Variants in DDX6 observed in about 807,000 individuals in gnomAD.
DDX6 encodes DEAD-box helicase 6, also known as probable ATP-dependent RNA helicase DDX6.
A neutral mutation model predicts 60.6 loss-of-function variants in DDX6; 7 were observed. The ratio of observed to expected loss-of-function variants is 0.12; its 90% confidence interval spans 0.07 to 0.22. DDX6 has a LOEUF of 0.22. Among genes scored for constraint, DDX6 ranks in the 10% least tolerant of loss-of-function variants. The pLI, the probability that DDX6 is intolerant of heterozygous loss-of-function variation, is 1.00. For missense variants in DDX6, 270 were observed against 589.9 expected, an observed-to-expected ratio of 0.46 and a Z score of 5.62; for synonymous variants, 207 against 201.0, an observed-to-expected ratio of 1.03 and a Z score of -0.25.
chr11:118,759,153 G>C, intron 8 of DDX6: 1 of 344,190 alleles, frequency 2.9e-6, no homozygotes, highest in Non-Finnish European at 5.4e-6. Flanking sequence ...TCCACCTCCC[G>C]GGTTCAAGTG....
At chr11:118,756,177 G>A in intron 11 of DDX6, 83 bp downstream of exon 11, 1 of 1,048,334 alleles carries the variant, frequency 9.5e-7, no homozygotes, top group Non-Finnish European at 1.5e-6. Flanking sequence ...TATGTCACAG[G>A]TTGCACTATG....
chr11:118,750,022 C>T lies in DDX6; in HGVS notation c.*2083G>A, dbSNP rs1860700918. The T allele has an allele frequency of 2.0e-5, 3 of 152,454 alleles. No homozygotes were observed. Among genetic ancestry groups the T allele is most frequent in the Admixed American group, 6.6e-5 (1 of 15,244 alleles). 9.4% of individuals were successfully genotyped at this position (152,454 alleles called of 1,614,324 possible). On this transcript the variant is annotated 3_prime_UTR_variant, in exon 14 of 14. Coordinates refer to ENST00000534980, the MANE Select transcript of DDX6 (RefSeq NM_004397.6). ...GATCTCCAAGGAATTGTGGGTGAGTCGCAAATAGTTTGCTCAGAAGTAGGC... is the reference window on the plus strand; with the variant it reads ...GATCTCCAAGGAATTGTGGGTGAGTTGCAAATAGTTTGCTCAGAAGTAGGC...
Position 118,781,175 on chromosome 11 carries a change from A to G in DDX6, c.210T>C (p.Asp70=). 1.2e-6 allele frequency: 2 copies of G among 1,602,886 alleles called. No homozygotes were observed. Among genetic ancestry groups the G allele is most frequent in the African/African-American group, 1.3e-5 (1 of 74,918 alleles). The change falls in exon 3 of 14, where the codon GAT becomes GAC. Residue 70 remains aspartate, a synonymous_variant. Transcript: ENST00000534980. Reference sequence around the variant, plus strand: ...GGAGTTTTAAAGTCTTTTTCCAGTCATCACCAGGTCTAGAGAGAATACAGT... The same window carrying G: ...GGAGTTTTAAAGTCTTTTTCCAGTCGTCACCAGGTCTAGAGAGAATACAGT... ...QSMTTTIKPG[D]DWKKTLKLPP...
intron 13 of DDX6, among the ~76,000 whole-genome samples, chr11:118,752,859 T>C (rs1860824352): frequency 6.6e-6 from 1 of 151,988 alleles, no homozygotes; most frequent in Non-Finnish European, 1.5e-5. Flanking sequence ...GAAGCCAAAG[T>C]GGGAGGATCA....
chr11:118,778,048 A>C (rs1476786224), intron 4 of DDX6, among the ~76,000 whole-genome samples: 13 of 152,072 alleles, frequency 8.5e-5, no homozygotes, highest in Non-Finnish European at 1.6e-4. Flanking sequence ...AAATTGAAAA[A>C]AATGGTGAGT....
chr11:118,776,690 G>A (rs766047839), intron 4 of DDX6, among the ~76,000 whole-genome samples: 13 of 151,776 alleles, frequency 8.6e-5, no homozygotes, highest in Non-Finnish European at 1.6e-4. Context: ...AAAATTAGCC[G>A]GGTGCTGTGG....
At chr11:118,782,804 C>T (rs1861943318) in intron 2 of DDX6, among the ~76,000 whole-genome samples, 1 of 152,156 alleles carries the variant, frequency 6.6e-6, no homozygotes, top group Admixed American at 6.6e-5. Flanking sequence ...GCCACTACAC[C>T]TGGCTAGTTT....
chr11:118,753,483 G>A (rs537039832), intron 13 of DDX6, among the ~76,000 whole-genome samples: 21 of 151,740 alleles, frequency 1.4e-4, no homozygotes, highest in Non-Finnish European at 2.4e-4. Flanking sequence ...GGGACTACAG[G>A]TGCGTGTCAC....
chr11:118,756,542 A>G (rs1860983742), intron 10 of DDX6, among the ~76,000 whole-genome samples: 1 of 152,204 alleles, frequency 6.6e-6, no homozygotes, highest in Non-Finnish European at 1.5e-5. Context: ...CAAAAAAGTC[A>G]TTTTTGTTAC....
intron 4 of DDX6, among the ~76,000 whole-genome samples, chr11:118,769,359 T>C (rs1555161945): frequency 6.6e-6 from 1 of 152,214 alleles, no homozygotes; most frequent in Non-Finnish European, 1.5e-5. Context: ...TTCTGTAATG[T>C]GCTCTCTATT....
In DDX6 at chr11:118,755,395, T is replaced by C. The variant is rs1179308135; in HGVS notation, c.1276+7A>G. On this transcript the variant is annotated splice_region_variant and intron_variant, in intron 12 of 13. Coordinates refer to ENST00000534980, the MANE Select transcript of DDX6 (RefSeq NM_004397.6). ...TCTACCAAGAATATCACCTCTTTTT[T>C]CCTCACCTGATCTTCCAATACGATG... 25 of 1,573,628 alleles carry C rather than the reference T, an allele frequency of 1.6e-5. No homozygotes were observed. The highest frequency in any genetic ancestry group is 2.2e-5 in the Non-Finnish European group (25 of 1,145,664).
chr11:118,785,049 T>G (rs1348930271), intron 2 of DDX6, among the ~76,000 whole-genome samples: 1 of 152,176 alleles, frequency 6.6e-6, no homozygotes, highest in Non-Finnish European at 1.5e-5. Flanking sequence ...ACTACAGGCG[T>G]GTGCCACTGC....
chr11:118,763,102 A>G, intron 7 of DDX6, 110 bp downstream of exon 7: 1 of 665,624 alleles, frequency 1.5e-6, no homozygotes, highest in East Asian at 2.9e-5. Context: ...CTGATTGTTT[A>G]TGTGTTTATT....
intron 4 of DDX6, among the ~76,000 whole-genome samples, chr11:118,771,872 C>A (rs1442196075): frequency 6.6e-6 from 1 of 152,202 alleles, no homozygotes; most frequent in Non-Finnish European, 1.5e-5. Context: ...TGGAAACCAG[C>A]CTTGCAGTTC....
At chr11:118,774,247 T>C (rs778171734) in intron 4 of DDX6, among the ~76,000 whole-genome samples, 3 of 152,066 alleles carry the variant, frequency 2.0e-5, no homozygotes, top group Non-Finnish European at 4.4e-5. Flanking sequence ...ACAAAAACAG[T>C]ATATTCTTAA....
rs880002071 is a variant in DDX6 at position 118,773,660 on chromosome 11, GA to G, written c.370-5309del. On this transcript the variant is annotated intron_variant, in intron 4 of 13. Coordinates refer to ENST00000534980, the MANE Select transcript of DDX6 (RefSeq NM_004397.6). ...GTTACAAATGTCCCCTGCTTAACAG[GA>G]AAAAAAAAAAGGGAGATGGTAATTT... Among the ~76,000 whole-genome samples, 346 of 143,844 alleles carry G rather than the reference GA, an allele frequency of 2.4e-3. 2 individuals are homozygous for G. Among genetic ancestry groups the G allele is most frequent in the African/African-American group, 5.8e-3 (228 of 39,454 alleles). 94.4% of individuals were successfully genotyped at this position (143,844 alleles called of 152,430 possible). A position where few individuals can be genotyped will look rare whatever the true frequency, so the allele number is the denominator to read the frequency against.
Position 118,750,048 on chromosome 11 carries a change from A to G in DDX6, c.*2057T>C, listed in dbSNP as rs1555156807. Reference sequence around the variant, plus strand: ...GCAAATAGTTTGCTCAGAAGTAGGCAGAGTCAAAAAAGCAACTTCAAGTAA... The same window carrying G: ...GCAAATAGTTTGCTCAGAAGTAGGCGGAGTCAAAAAAGCAACTTCAAGTAA... On this transcript the variant is annotated 3_prime_UTR_variant, in exon 14 of 14. Transcript: ENST00000534980. The G allele has an allele frequency of 6.6e-6, 1 of 152,662 alleles. No individual in the cohort carries two copies. Among genetic ancestry groups the G allele is most frequent in the African/African-American group, 2.4e-5 (1 of 41,464 alleles). The allele number at this position is 152,662 out of a possible 1,614,324, so 9.5% of individuals were successfully genotyped here.
At chr11:118,766,121 G>A (rs1861346339) in intron 5 of DDX6, among the ~76,000 whole-genome samples, 2 of 151,900 alleles carry the variant, frequency 1.3e-5, no homozygotes. Flanking sequence ...TAGATACCGA[G>A]ATGTATTAAA....
At chr11:118,758,080 C>G (rs1861039238) in intron 9 of DDX6, among the ~76,000 whole-genome samples, 1 of 152,160 alleles carries the variant, frequency 6.6e-6, no homozygotes, top group Non-Finnish European at 1.5e-5. Flanking sequence ...TTTCTTCGAC[C>G]TCAGCTGGGA....
Sources: allele counts gnomAD v4.1 joint callset (sites outside exome capture counted in the v4.1 genomes callset), GRCh38; gene constraint gnomAD v4.1.1; transcripts MANE v1.5; gene names NCBI Gene and HGNC (gene_info 2026-07-23, HGNC 2026-07-21).